Variants in ZNF532 observed in about 807,000 individuals in gnomAD.
ZNF532 encodes the protein zinc finger protein 532.
In ZNF532, 22 loss-of-function variants were observed where a neutral mutation model predicts 89.3. The observed-to-expected ratio is 0.25, with a 90% CI of 0.18 to 0.35. ZNF532 has a LOEUF of 0.35. Ranked by LOEUF, ZNF532 falls within the 10% of genes least tolerant of loss-of-function variation. The pLI is 1.00. For missense variants in ZNF532, 1,132 were observed against 1,643.4 expected (o/e 0.69, Z 5.38); for synonymous variants, 606 against 649.6 (o/e 0.93, Z 1.02).
rs1568249400 is a variant in ZNF532, at chr18:58,888,895, A to ATATATATAT, written c.-18+23317_-18+23325dup. Among the ~76,000 whole-genome samples, 10 of 64,702 alleles carry ATATATATAT rather than the reference A, an allele frequency of 1.5e-4. No individual in the cohort carries two copies. The South Asian group carries it at 4.1e-3, about 27-fold the overall frequency. 42.4% of individuals were successfully genotyped at this position (64,702 alleles called of 152,430 possible). A position where few individuals can be genotyped will look rare whatever the true frequency, so the allele number is the denominator to read the frequency against. On this transcript the variant is annotated intron_variant, in intron 2 of 9. Coordinates refer to ENST00000591808, the MANE Select transcript of ZNF532 (RefSeq NM_001375912.1). ...TATATATTATATATATATATTTTAT[A>ATATATATAT]TATATATATATATATATAATTCATA...
intron 7 of ZNF532, among the ~76,000 whole-genome samples, chr18:58,964,952 ATATATTTATATAC>A (rs1263561376): frequency 6.7e-6 from 1 of 148,956 alleles, no homozygotes; most frequent in Non-Finnish European, 1.5e-5. Context: ...TATATTTCTT[ATATATTTATATAC>A]TATAGATCAT....
At chr18:58,966,123 TCTCCTACC>T (rs1250408877) in intron 7 of ZNF532, among the ~76,000 whole-genome samples, 1 of 152,118 alleles carries the variant, frequency 6.6e-6, no homozygotes, top group Non-Finnish European at 1.5e-5. Flanking sequence ...TCCCTCCTAC[TCTCCTACC>T]CTCTCTCTTC....
intron 5 of ZNF532, among the ~76,000 whole-genome samples, chr18:58,944,346 C>T (rs748785951): frequency 6.6e-6 from 1 of 151,662 alleles, no homozygotes; most frequent in Non-Finnish European, 1.5e-5. Flanking sequence ...CTTTCCCGCT[C>T]CCCCTCTCCT....
At chr18:58,975,712 GTTTAT>G (rs981074577) in intron 7 of ZNF532, among the ~76,000 whole-genome samples, 3 of 152,166 alleles carry the variant, frequency 2.0e-5, no homozygotes, top group African/African-American at 4.8e-5. Flanking sequence ...GTACCCAAGT[GTTTAT>G]TTTGATATTT....
At chr18:58,948,724 C>G (rs1222997597) in intron 6 of ZNF532, among the ~76,000 whole-genome samples, 1 of 152,030 alleles carries the variant, frequency 6.6e-6, no homozygotes, top group Admixed American at 6.5e-5. Flanking sequence ...TGTACCACCA[C>G]ACCCGGCTAA....
Position 58,984,296 on chromosome 18 carries a change from CAGG to C in ZNF532, c.3739_3741del (p.Glu1247del), listed in dbSNP as rs1257833384. On this transcript the variant is annotated inframe_deletion, in exon 10 of 10. Coordinates refer to ENST00000591808, the MANE Select transcript of ZNF532 (RefSeq NM_001375912.1). Reference sequence around the variant, plus strand: ...AAATGGGGCTGGGGAAGATAACCAACAGGAGAACAAACCCAGCCACGAGGATGA... The same window carrying C: ...AAATGGGGCTGGGGAAGATAACCAACAGAACAAACCCAGCCACGAGGATGA... The C allele has an allele frequency of 1.4e-5, 23 of 1,611,962 alleles. No homozygotes were observed. The highest frequency in any genetic ancestry group is 2.3e-4 in the Middle Eastern group (1 of 4,430).
At chr18:58,870,434 C>T (rs546401278) in intron 2 of ZNF532, among the ~76,000 whole-genome samples, 1 of 152,238 alleles carries the variant, frequency 6.6e-6, no homozygotes, top group East Asian at 1.9e-4. Flanking sequence ...CCATGCAGCA[C>T]ACGTGGAAAG....
chr18:58,879,152 G>C (rs1335247067), intron 2 of ZNF532, among the ~76,000 whole-genome samples: 1 of 152,204 alleles, frequency 6.6e-6, no homozygotes, highest in African/African-American at 2.4e-5. Flanking sequence ...GGCACGCCCG[G>C]CGGGGCCTGC....
chr18:58,921,898 G>A (rs886869938), intron 3 of ZNF532, among the ~76,000 whole-genome samples: 13 of 152,114 alleles, frequency 8.5e-5, no homozygotes, highest in Non-Finnish European at 1.9e-4. Flanking sequence ...CTGAGCTCAG[G>A]AGTTCGAGAC....
intron 2 of ZNF532, among the ~76,000 whole-genome samples, chr18:58,865,869 G>T (rs745555923): frequency 1.3e-5 from 2 of 152,206 alleles, no homozygotes; most frequent in East Asian, 1.9e-4. Flanking sequence ...TGTGGAGAAT[G>T]TGCTGTTTTG....
chr18:58,926,032 T>G (rs1318989596), intron 3 of ZNF532, among the ~76,000 whole-genome samples: 3 of 152,246 alleles, frequency 2.0e-5, no homozygotes, highest in Non-Finnish European at 4.4e-5. Flanking sequence ...TTCCAATTTA[T>G]TTTTCTTTTC....
intron 2 of ZNF532, among the ~76,000 whole-genome samples, chr18:58,901,657 G>C (rs2059607773): frequency 6.6e-6 from 1 of 152,208 alleles, no homozygotes; most frequent in African/African-American, 2.4e-5. Flanking sequence ...TACACAAGCA[G>C]ACAACAGTAC....
intron 3 of ZNF532, among the ~76,000 whole-genome samples, chr18:58,931,339 A>G (rs1008053047): frequency 6.6e-6 from 1 of 152,240 alleles, no homozygotes; most frequent in East Asian, 1.9e-4. Flanking sequence ...CAGTCATTAC[A>G]GGCCACAAAG....
At chr18:58,883,718 C>T (rs571560609) in intron 2 of ZNF532, among the ~76,000 whole-genome samples, 36 of 152,152 alleles carry the variant, frequency 2.4e-4, no homozygotes, top group African/African-American at 8.0e-4. Context: ...CTGTCCTGTG[C>T]GTCTTAGGAT....
chr18:58,984,372 A>T lies in ZNF532; in HGVS notation c.3812A>T (p.Lys1271Ile), dbSNP rs756021695. Residue 1271 changes from lysine to isoleucine, a missense_variant, in exon 10 of 10, where the codon AAA (lysine) becomes ATA (isoleucine). Coordinates refer to ENST00000591808, the MANE Select transcript of ZNF532 (RefSeq NM_001375912.1). Reference protein sequence around the residue: ...VSDRKCKVCAKTFETEAALNT... With the variant: ...VSDRKCKVCAITFETEAALNT... ...GACAGAAAGTGCAAAGTGTGCGCAA[A>T]AACTTTTGAAACTGAAGCTGCCTTA... 6.2e-7 allele frequency: 1 copy of T among 1,611,998 alleles called. No individual in the cohort carries two copies. The highest frequency in any genetic ancestry group is 8.5e-7 in the Non-Finnish European group (1 of 1,179,856).
At chr18:58,972,847 T>C (rs927409314) in intron 7 of ZNF532, among the ~76,000 whole-genome samples, 1 of 152,260 alleles carries the variant, frequency 6.6e-6, no homozygotes, top group African/African-American at 2.4e-5. Flanking sequence ...GATTACTTCG[T>C]AGAACCTGCC....
intron 6 of ZNF532, among the ~76,000 whole-genome samples, chr18:58,952,681 T>C (rs942136298): frequency 6.6e-6 from 1 of 152,216 alleles, no homozygotes; most frequent in Non-Finnish European, 1.5e-5. Flanking sequence ...GTTGGAATTA[T>C]AGGCGTGAGC....
At position 58,939,558 on chromosome 18, in the gene ZNF532, C is replaced by G. The variant is rs747781418; in HGVS notation, c.2642C>G (p.Ser881Cys). 1 of 1,613,990 alleles carries G rather than the reference C, an allele frequency of 6.2e-7. No individual in the cohort carries two copies. Among genetic ancestry groups the G allele is most frequent in the Non-Finnish European group, 8.5e-7 (1 of 1,180,026 alleles). The change falls in exon 5 of 10, where the codon TCT becomes TGT. Residue 881 changes from serine (S) to cysteine (C), a missense_variant. Transcript: ENST00000591808. ...CCTATTTGTCCAATGGCGTTTAAGT[C>G]TGCCCCAAGCACACATTCCCACGCC... is the stretch of plus-strand genomic sequence containing the variant. Reference protein sequence around the residue: ...KCPICPMAFKSAPSTHSHAYT... With the variant: ...KCPICPMAFKCAPSTHSHAYT...
chr18:58,909,444 A>G (rs988703277), intron 2 of ZNF532, among the ~76,000 whole-genome samples: 1 of 152,166 alleles, frequency 6.6e-6, no homozygotes, highest in African/African-American at 2.4e-5. Context: ...CTAAAGATAG[A>G]AACCCGTTTG....
Sources: allele counts gnomAD v4.1 joint callset (sites outside exome capture counted in the v4.1 genomes callset), GRCh38; gene constraint gnomAD v4.1.1; transcripts MANE v1.5; gene names NCBI Gene and HGNC (gene_info 2026-07-23, HGNC 2026-07-21).